SENP6: variants seen among roughly 807,000 people sequenced by gnomAD.
The protein encoded by SENP6 is SUMO specific peptidase 6.
SENP6 carries 41 observed loss-of-function variants against 134.5 expected under a neutral mutation model. That is an observed-to-expected ratio of 0.30 (90% CI 0.24 to 0.40). The LOEUF is 0.40. SENP6 is among the 10% of genes least tolerant of loss of function. The pLI is 1.00. For missense variants in SENP6, 1,248 were observed against 1,312.5 expected (o/e 0.95, Z 0.76); for synonymous variants, 395 against 429.8 (o/e 0.92, Z 1.00).
At chr6:75,624,064 T>C (rs1768482015) in intron 3 of SENP6, 104 bp downstream of exon 3, 1 of 832,744 alleles carries the variant, frequency 1.2e-6, no homozygotes, top group South Asian at 1.8e-5. Context: ...TTACCCACTT[T>C]CTCCACTCCA....
Position 75,675,914 on chromosome 6 carries a change from G to A in SENP6, c.1481G>A (p.Cys494Tyr). The A allele has an allele frequency of 1.2e-6, 2 of 1,611,498 alleles. No individual in the cohort carries two copies. Among genetic ancestry groups the A allele is most frequent in the Non-Finnish European group, 1.7e-6 (2 of 1,179,054 alleles). The change falls in exon 13 of 24, where the codon TGT becomes TAT. Residue 494 changes from cysteine to tyrosine, a missense_variant. Physicochemically the swap from Cys to Tyr is radical, Grantham distance 194. Transcript: ENST00000447266. ...TTAAATACCTCTGATCTAACTAAAT[G>A]TGAATGGTGTAATGTCCGAAAATTA... ...IILNTSDLTK[C>Y]EWCNVRKLPV...
intron 4 of SENP6, among the ~76,000 whole-genome samples, chr6:75,634,284 G>A (rs570933867): frequency 6.6e-5 from 10 of 152,126 alleles, no homozygotes; most frequent in Admixed American, 4.6e-4. Flanking sequence ...TAGGACTCCT[G>A]ATTTTTATTT....
intron 6 of SENP6, among the ~76,000 whole-genome samples, chr6:75,643,240 TATA>T (rs1006558909): frequency 6.6e-6 from 1 of 152,172 alleles, no homozygotes; most frequent in African/African-American, 2.4e-5. Flanking sequence ...TATCAGTAGT[TATA>T]ATAACTGTAG....
At chr6:75,693,838 A>G (rs62415595) in intron 16 of SENP6, among the ~76,000 whole-genome samples, 37,126 of 152,198 alleles carry the variant, frequency 0.24, 5,906 homozygotes, top group Non-Finnish European at 0.37. Context: ...TTGAACTTGC[A>G]TAAGTCCTAT....
intron 16 of SENP6, among the ~76,000 whole-genome samples, chr6:75,689,689 C>T (rs1466766275): frequency 2.0e-5 from 3 of 152,066 alleles, no homozygotes; most frequent in Non-Finnish European, 4.4e-5. Context: ...AAATAGTTTC[C>T]ATTGTGTCAC....
At chr6:75,604,548 C>G (rs1766881733) in intron 1 of SENP6, among the ~76,000 whole-genome samples, 1 of 151,418 alleles carries the variant, frequency 6.6e-6, no homozygotes, top group Non-Finnish European at 1.5e-5. Flanking sequence ...AGGAGAATCG[C>G]TTGGAAACGG....
Position 75,623,822 on chromosome 6 carries a change from A to G in SENP6, c.147-78A>G, listed in dbSNP as rs140995546. The G allele has an allele frequency of 6.5e-5, 83 of 1,278,620 alleles. No individual in the cohort carries two copies. In the African/African-American group the frequency reaches 1.0e-3, roughly 16 times the overall value. The allele number at this position is 1,278,620 out of a possible 1,614,324, so 79.2% of individuals were successfully genotyped here. ...TGCTGATTCCCTGAATTAGGTGAAC[A>G]TAGAGGATAAAACCTCAGAATTTAA... On this transcript the variant is annotated intron_variant, in intron 2 of 23. Coordinates refer to ENST00000447266, the MANE Select transcript of SENP6 (RefSeq NM_015571.4).
chr6:75,715,475 A>G lies in SENP6; in HGVS notation c.3220A>G (p.Ile1074Val), dbSNP rs375646908. Residue 1074 changes from isoleucine (I) to valine (V), a missense_variant, in exon 24 of 24, where the codon ATA becomes GTA. Coordinates refer to ENST00000447266, the MANE Select transcript of SENP6 (RefSeq NM_015571.4). ...MRTKREEIRN[I>V]ILKLQEDQSK... Reference sequence around the variant, plus strand: ...AACAAAAAGAGAAGAAATCCGAAACATAATTCTGAAGCTACAGGAAGATCA... The same window carrying G: ...AACAAAAAGAGAAGAAATCCGAAACGTAATTCTGAAGCTACAGGAAGATCA... The G allele has an allele frequency of 8.1e-6, 13 of 1,613,634 alleles. No homozygotes were observed. The highest frequency in any genetic ancestry group is 2.2e-5 in the East Asian group (1 of 44,824).
In SENP6 at chr6:75,702,825, A is replaced by G. The variant is rs1011086562; in HGVS notation, c.2469A>G (p.Val823=). ...CACAAAACTCTTCTGCCAAGCCTGT[A>G]ATTAAGAAGATGCTAAACAAAAAAC... ...SCSQNSSAKP[V]IKKMLNKKHC... The change falls in exon 19 of 24, where the codon GTA becomes GTG. Residue 823 remains valine, a synonymous_variant. Transcript: ENST00000447266. The G allele has an allele frequency of 1.9e-6, 3 of 1,614,160 alleles. No individual in the cohort carries two copies. The highest frequency in any genetic ancestry group is 8.5e-7 in the Non-Finnish European group (1 of 1,180,008).
At position 75,622,673 on chromosome 6, in the gene SENP6, G is replaced by A; in HGVS notation, c.146+1048G>A. 2 of 664,544 alleles carry A rather than the reference G, an allele frequency of 3.0e-6. 1 individual carries two copies. Among genetic ancestry groups the A allele is most frequent in the South Asian group, 3.2e-5 (2 of 63,236 alleles). The allele number at this position is 664,544 out of a possible 1,614,324, so 41.2% of individuals were successfully genotyped here. On this transcript the variant is annotated intron_variant, in intron 2 of 23. Transcript: ENST00000447266. ...AGAGATCCACAAATATACACACAAA[G>A]TTCTACCAAAACTATAAATATGTTA...
chr6:75,608,945 C>A (rs930880704), intron 1 of SENP6, among the ~76,000 whole-genome samples: 1 of 152,090 alleles, frequency 6.6e-6, no homozygotes, highest in African/African-American at 2.4e-5. Context: ...CACTGACTAC[C>A]TTTTTCTAGA....
chr6:75,639,112 A>T (rs1769830839), intron 5 of SENP6, among the ~76,000 whole-genome samples: 1 of 152,144 alleles, frequency 6.6e-6, no homozygotes, highest in African/African-American at 2.4e-5. Context: ...GCAGTATAGA[A>T]TTGGAAGTGG....
chr6:75,680,193 G>A (rs185049817), intron 16 of SENP6, among the ~76,000 whole-genome samples: 155 of 152,310 alleles, frequency 1.0e-3, no homozygotes, highest in African/African-American at 3.6e-3. Flanking sequence ...AGAGGAAAGG[G>A]TACCAGGTAG....
chr6:75,636,346 A>G (rs1035611517), intron 5 of SENP6, among the ~76,000 whole-genome samples: 1 of 152,208 alleles, frequency 6.6e-6, no homozygotes, highest in Non-Finnish European at 1.5e-5. Flanking sequence ...TTTATTCTGT[A>G]TAAGAATAAG....
Position 75,703,163 on chromosome 6 carries a change from A to G in SENP6, c.2716+91A>G, listed in dbSNP as rs1246847176. 1.9e-5 allele frequency: 21 copies of G among 1,126,788 alleles called. No homozygotes were observed. In the Admixed American group the frequency reaches 4.8e-4, roughly 26 times the overall value. The allele number at this position is 1,126,788 out of a possible 1,614,324, so 69.8% of individuals were successfully genotyped here. A position where few individuals can be genotyped will look rare whatever the true frequency, so the allele number is the denominator to read the frequency against. On this transcript the variant is annotated intron_variant, in intron 19 of 23. Coordinates refer to ENST00000447266, the MANE Select transcript of SENP6 (RefSeq NM_015571.4). ...GATTAAGATCCTGTTTTAAAAAAAAATCAGGTTAATGACTGGGTGTGGTGG... is the reference window on the plus strand; with the variant it reads ...GATTAAGATCCTGTTTTAAAAAAAAGTCAGGTTAATGACTGGGTGTGGTGG...
At position 75,665,820 on chromosome 6, in the gene SENP6, A is replaced by G. The variant is rs1436115413; in HGVS notation, c.995-892A>G. ...GGCAGGCGGATCACCTGAGGTCGGG[A>G]GTTCGAGACCAGCCTGGCCAACATG... On this transcript the variant is annotated intron_variant, in intron 9 of 23. Transcript: ENST00000447266. Among the ~76,000 whole-genome samples, 5 of 152,100 alleles carry G rather than the reference A, an allele frequency of 3.3e-5. No individual in the cohort carries two copies. In the East Asian group the frequency reaches 9.7e-4, roughly 29 times the overall value.
chr6:75,652,584 C>T (rs1249525549), intron 7 of SENP6, among the ~76,000 whole-genome samples: 4 of 146,520 alleles, frequency 2.7e-5, no homozygotes, highest in Non-Finnish European at 3.0e-5. Context: ...CGCCTGTAAT[C>T]CTGGCACTTT....
In SENP6 at chr6:75,670,617, A is replaced by T. The variant is rs755189527; in HGVS notation, c.1289A>T (p.Asp430Val). ...RRKVFSQEPPDALALSCQSSF... is the reference protein window; with the variant it reads ...RRKVFSQEPPVALALSCQSSF... ...AAAGTGTTTTCTCAAGAACCTCCAG[A>T]TGCTTTAGCTTTAAGCTGCCAAAGT... Residue 430 changes from aspartate to valine, a missense_variant, in exon 11 of 24, where the codon GAT (aspartate) becomes GTT (valine). By Grantham distance (152) the Asp-to-Val change is radical. Coordinates refer to ENST00000447266, the MANE Select transcript of SENP6 (RefSeq NM_015571.4). 9.9e-6 allele frequency: 16 copies of T among 1,613,542 alleles called. No homozygotes were observed. The African/African-American group carries it at 1.9e-4, about 19-fold the overall frequency.
intron 16 of SENP6, among the ~76,000 whole-genome samples, chr6:75,688,546 C>G (rs567552401): frequency 2.0e-5 from 3 of 152,180 alleles, no homozygotes; most frequent in South Asian, 2.1e-4. Flanking sequence ...CCCACCCCCC[C>G]GTCCAGGATT....
Sources: gnomAD v4.1 joint callset for allele counts (sites outside exome capture counted in the v4.1 genomes callset) on GRCh38, gnomAD v4.1.1 for gene constraint, MANE v1.5 for transcripts, NCBI Gene and HGNC (gene_info 2026-07-23, HGNC 2026-07-21) for gene names.